The following TTC27 variants were observed in gnomAD, a reference collection of about 807,000 sequenced individuals.
TTC27 encodes the protein tetratricopeptide repeat protein 27.
In TTC27, 79 loss-of-function variants were observed where a neutral mutation model predicts 115.9. That is an observed-to-expected ratio of 0.68 (90% CI 0.57 to 0.82). The LOEUF (loss-of-function observed/expected upper bound fraction) is 0.82, where lower values mean the gene tolerates loss of function less well. Among genes scored for constraint, TTC27 ranks in the 40% least tolerant of loss-of-function variants. The pLI is 0.00. For synonymous variants in TTC27, 401 were observed against 356.0 expected (o/e 1.13, Z -1.42); for missense variants, 1,054 against 993.1 (o/e 1.06, Z -0.82).
intron 13 of TTC27, among the ~76,000 whole-genome samples, chr2:32,759,803 T>A (rs185206769): frequency 6.6e-6 from 1 of 152,212 alleles, no homozygotes; most frequent in African/African-American, 2.4e-5. Context: ...AACTGTCTTA[T>A]GATTTTTACT....
intron 5 of TTC27, among the ~76,000 whole-genome samples, chr2:32,663,248 G>T (rs956596537): frequency 2.0e-5 from 3 of 152,164 alleles, no homozygotes; most frequent in African/African-American, 7.2e-5. Context: ...AGCTAGCTTT[G>T]TGTCTGCCCA....
At chr2:32,683,855 C>G (rs1666529803) in intron 9 of TTC27, among the ~76,000 whole-genome samples, 1 of 151,736 alleles carries the variant, frequency 6.6e-6, no homozygotes, top group Admixed American at 6.6e-5. Context: ...TTCAGTTTTC[C>G]TTGGCAAAAG....
intron 6 of TTC27, 60 bp from the exon 7 acceptor site, chr2:32,666,575 C>G (rs1341324379): frequency 1.3e-6 from 2 of 1,561,294 alleles, no homozygotes; most frequent in East Asian, 2.3e-5. Flanking sequence ...TATTACTCTT[C>G]ATGACTGTAC....
Position 32,741,903 on chromosome 2 carries a change from C to T in TTC27, c.1452+5087C>T, listed in dbSNP as rs367811531. On this transcript the variant is annotated intron_variant, in intron 12 of 19. Transcript: ENST00000317907. ...CTCCAAAAACAAATTATGAGATTCC[C>T]CCACTCCCATTTGAACCTTCTAACT... Among the ~76,000 whole-genome samples the T allele has an allele frequency of 4.8e-4, 73 of 152,250 alleles. No individual in the cohort carries two copies. The South Asian group carries it at 0.014, about 29-fold the overall frequency.
intron 10 of TTC27, among the ~76,000 whole-genome samples, chr2:32,733,599 CTTT>C (rs778911023): frequency 9.9e-5 from 15 of 152,100 alleles, no homozygotes; most frequent in Non-Finnish European, 1.9e-4. Context: ...GAAATTAAAA[CTTT>C]TTCTGGTAAG....
chr2:32,736,889 T>C, intron 12 of TTC27, 73 bp downstream of exon 12: 6 of 1,530,642 alleles, frequency 3.9e-6, no homozygotes, highest in Non-Finnish European at 5.3e-6. Context: ...TGTTTTGTTT[T>C]TCAAACCCAC....
At chr2:32,630,889 T>C (rs1664162650) in intron 2 of TTC27, among the ~76,000 whole-genome samples, 189 bp downstream of exon 2, 1 of 152,218 alleles carries the variant, frequency 6.6e-6, no homozygotes, top group Non-Finnish European at 1.5e-5. Flanking sequence ...AGTAAAGTGG[T>C]GCAGGATAAA....
chr2:32,649,101 T>A (rs1400353143), intron 4 of TTC27, among the ~76,000 whole-genome samples: 2 of 152,172 alleles, frequency 1.3e-5, no homozygotes, highest in African/African-American at 4.8e-5. Flanking sequence ...AAACAGGTGC[T>A]GTCCAATATG....
Position 32,702,842 on chromosome 2 carries a change from G to A in TTC27, c.1155G>A (p.Gln385=). ...CACAACCAAAGTTCTGGGCCATTCAGACATCAGCCTTGATCCTCCGGACAA... is the reference window on the plus strand; with the variant it reads ...CACAACCAAAGTTCTGGGCCATTCAAACATCAGCCTTGATCCTCCGGACAA... ...LLSQPKFWAI[Q]TSALILRTKL... is the part of the protein sequence containing the mutation. Residue 385 remains glutamine (Q), a synonymous_variant, in exon 10 of 20, where the codon CAG becomes CAA. Coordinates refer to ENST00000317907, the MANE Select transcript of TTC27 (RefSeq NM_017735.5). 6.2e-7 allele frequency: 1 copy of A among 1,613,982 alleles called. No individual in the cohort carries two copies. The highest frequency in any genetic ancestry group is 8.5e-7 in the Non-Finnish European group (1 of 1,179,968).
At chr2:32,760,129 G>T (rs1358422401) in intron 13 of TTC27, among the ~76,000 whole-genome samples, 1 of 152,126 alleles carries the variant, frequency 6.6e-6, no homozygotes, top group Non-Finnish European at 1.5e-5. Context: ...AATCAGAAGT[G>T]CATTTTCTTA....
chr2:32,655,005 T>C (rs1665266221), intron 5 of TTC27, among the ~76,000 whole-genome samples: 1 of 151,102 alleles, frequency 6.6e-6, no homozygotes, highest in Non-Finnish European at 1.5e-5. Context: ...CTTTTTTTTT[T>C]TGAGACAGAG....
intron 5 of TTC27, among the ~76,000 whole-genome samples, chr2:32,655,934 GT>G (rs1280716064): frequency 6.6e-6 from 1 of 152,078 alleles, no homozygotes; most frequent in East Asian, 1.9e-4. Flanking sequence ...CAGTTCCTCA[GT>G]TTCACTAGCC....
intron 10 of TTC27, among the ~76,000 whole-genome samples, chr2:32,720,354 A>G (rs1667882510): frequency 6.6e-6 from 1 of 152,238 alleles, no homozygotes; most frequent in South Asian, 2.1e-4. Flanking sequence ...TGAATTAGAA[A>G]AATAGAATTT....
At chr2:32,645,166 T>G (rs2151866303) in intron 4 of TTC27, among the ~76,000 whole-genome samples, 1 of 152,322 alleles carries the variant, frequency 6.6e-6, no homozygotes, top group African/African-American at 2.4e-5. Flanking sequence ...ATTATTTTTG[T>G]GAAATTATAG....
intron 12 of TTC27, among the ~76,000 whole-genome samples, chr2:32,745,014 C>G (rs1425467907): frequency 7.3e-6 from 1 of 137,428 alleles, no homozygotes; most frequent in Non-Finnish European, 1.5e-5. Context: ...CGCCACTGCA[C>G]TCCAGCCTGC....
intron 12 of TTC27, among the ~76,000 whole-genome samples, chr2:32,740,327 C>G (rs955472921): frequency 3.3e-5 from 5 of 152,250 alleles, no homozygotes; most frequent in African/African-American, 1.2e-4. Flanking sequence ...TTTTATTATG[C>G]TACATTTGCA....
chr2:32,734,802 G>A (rs1260807725), intron 11 of TTC27, among the ~76,000 whole-genome samples: 1 of 152,012 alleles, frequency 6.6e-6, no homozygotes, highest in East Asian at 1.9e-4. Flanking sequence ...GCTTTTCATT[G>A]GGTTGAAATT....
chr2:32,778,044 T>C (rs1160837964), intron 14 of TTC27, 64 bp downstream of exon 14: 34 of 1,521,312 alleles, frequency 2.2e-5, no homozygotes, highest in Non-Finnish European at 2.8e-5. Context: ...GAAATTGTAC[T>C]GTATGGTTCA....
intron 9 of TTC27, among the ~76,000 whole-genome samples, chr2:32,686,804 G>T (rs973349718): frequency 6.6e-6 from 1 of 151,996 alleles, no homozygotes; most frequent in Non-Finnish European, 1.5e-5. Context: ...TGACTTTTTT[G>T]CTTGGAAGAA....
Sources: allele counts gnomAD v4.1 joint callset (sites outside exome capture counted in the v4.1 genomes callset), GRCh38; gene constraint gnomAD v4.1.1; transcripts MANE v1.5; gene names NCBI Gene and HGNC (gene_info 2026-07-23, HGNC 2026-07-21).